Variants in SLC28A3 observed in about 807,000 individuals in gnomAD.
SLC28A3 encodes the protein concentrative Na(+)-nucleoside cotransporter 3.
In SLC28A3, 68 loss-of-function variants were observed where a neutral mutation model predicts 84.2. The observed-to-expected ratio is 0.81, with a 90% confidence interval of 0.66 to 0.99. The LOEUF (loss-of-function observed/expected upper bound fraction) is 0.99, where lower values mean the gene tolerates loss of function less well. Among genes scored for constraint, SLC28A3 ranks in the 50% least tolerant of loss-of-function variants. The pLI, the probability that SLC28A3 is intolerant of heterozygous loss-of-function variation, is 0.00. For synonymous variants in SLC28A3, 267 were observed against 303.6 expected, an observed-to-expected ratio of 0.88 and a Z score of 1.25; for missense variants, 712 against 841.5, an observed-to-expected ratio of 0.85 and a Z score of 1.90.
the SLC28A3 span, among the ~76,000 whole-genome samples, chr9:84,363,654 A>G: frequency 5.9e-3 from 895 of 152,352 alleles, 8 homozygotes; most frequent in African/African-American, 0.021. Context: ...AGAGAAAAAG[A>G]TAAAAGATGG....
intron 1 of SLC28A3, among the ~76,000 whole-genome samples, chr9:84,336,514 A>C (rs138003997): frequency 1.3e-3 from 199 of 152,152 alleles, no homozygotes; most frequent in African/African-American, 4.6e-3. Flanking sequence ...TAAAACACAA[A>C]ACAAAACAAA....
chr9:84,355,555 C>T, the SLC28A3 span, among the ~76,000 whole-genome samples: 30 of 152,140 alleles, frequency 2.0e-4, no homozygotes, highest in African/African-American at 6.3e-4. Context: ...TTGTCATTTT[C>T]GGTTTGGTCT....
chr9:84,317,181 C>G (rs1333367234), intron 1 of SLC28A3, among the ~76,000 whole-genome samples: 1 of 152,146 alleles, frequency 6.6e-6, no homozygotes. Context: ...CCCAGACCAT[C>G]TTGTGCCTAT....
At chr9:84,288,871 A>T (rs1301883750) in intron 11 of SLC28A3, among the ~76,000 whole-genome samples, 3 of 151,958 alleles carry the variant, frequency 2.0e-5, no homozygotes, top group Admixed American at 1.3e-4. Flanking sequence ...TAGATAGGGG[A>T]TGGGGAGGGG....
chr9:84,368,211 C>T, the SLC28A3 span, among the ~76,000 whole-genome samples: 6 of 152,242 alleles, frequency 3.9e-5, no homozygotes, highest in East Asian at 5.8e-4. Flanking sequence ...AAGCATACTG[C>T]CTGCAAACAT....
intron 1 of SLC28A3, among the ~76,000 whole-genome samples, chr9:84,320,850 G>A (rs554155987): frequency 4.1e-4 from 63 of 151,876 alleles, no homozygotes; most frequent in African/African-American, 1.3e-3. Flanking sequence ...ATTAGCCGAG[G>A]GTGGTGGTGG....
chr9:84,314,910 C>G lies in SLC28A3; in HGVS notation c.61-1456G>C, dbSNP rs192917987. Among the ~76,000 whole-genome samples the G allele has an allele frequency of 9.4e-3, 1,430 of 152,246 alleles. 11 individuals are homozygous for G. Among genetic ancestry groups the G allele is most frequent in the Middle Eastern group, 0.02 (6 of 294 alleles). ...TGGCTAACATGGTGAAACCCCGTCT[C>G]TACTAAAAATACAAACATTAGCTGG... On this transcript the variant is annotated intron_variant, in intron 1 of 17. Transcript: ENST00000376238.
the SLC28A3 span, among the ~76,000 whole-genome samples, chr9:84,358,317 T>G: frequency 6.6e-6 from 1 of 152,126 alleles, no homozygotes; most frequent in Non-Finnish European, 1.5e-5. Flanking sequence ...CACAACTGCT[T>G]GCAAACAGCA....
At chr9:84,329,762 A>G (rs1474932284) in intron 1 of SLC28A3, among the ~76,000 whole-genome samples, 1 of 152,108 alleles carries the variant, frequency 6.6e-6, no homozygotes, top group Non-Finnish European at 1.5e-5. Flanking sequence ...AGCTGAGCAC[A>G]GTGATGCATG....
the SLC28A3 span, among the ~76,000 whole-genome samples, chr9:84,353,293 T>C: frequency 0.015 from 2,317 of 152,354 alleles, 27 homozygotes; most frequent in Non-Finnish European, 0.023. Flanking sequence ...AGTTATTTCA[T>C]ATACTGGTGG....
rs1367533318 is a variant in SLC28A3 at position 84,294,190 on chromosome 9, A to C, written c.942+5T>G. 1 of 1,613,904 alleles carries C rather than the reference A, an allele frequency of 6.2e-7. No homozygotes were observed. On this transcript the variant is annotated splice_donor_5th_base_variant and intron_variant, in intron 9 of 17. Transcript: ENST00000376238. Reference sequence around the variant, plus strand: ...CTATAACCCAGTCCCTCCCAGCCCCAGTACCTTTCTAATAATCCACTGCAT... The same window carrying C: ...CTATAACCCAGTCCCTCCCAGCCCCCGTACCTTTCTAATAATCCACTGCAT...
intron 1 of SLC28A3, among the ~76,000 whole-genome samples, chr9:84,336,283 T>A (rs1340066639): frequency 1.3e-5 from 2 of 151,876 alleles, no homozygotes; most frequent in African/African-American, 2.4e-5. Flanking sequence ...AGGCGGATCA[T>A]TTGAGGTCAG....
intron 9 of SLC28A3, among the ~76,000 whole-genome samples, chr9:84,293,644 G>A (rs1426759034): frequency 6.6e-6 from 1 of 152,166 alleles, no homozygotes; most frequent in Non-Finnish European, 1.5e-5. Flanking sequence ...TTGAGGCTAG[G>A]GCAGCAGGAA....
the SLC28A3 span, among the ~76,000 whole-genome samples, chr9:84,365,737 T>C: frequency 0.38 from 57,400 of 152,054 alleles, 12,870 homozygotes; most frequent in African/African-American, 0.63. Flanking sequence ...ACTGTCTCTG[T>C]ATATTTTCAG....
At chr9:84,316,591 G>A (rs1417184548) in intron 1 of SLC28A3, among the ~76,000 whole-genome samples, 2 of 152,228 alleles carry the variant, frequency 1.3e-5, no homozygotes, top group African/African-American at 4.8e-5. Flanking sequence ...GGCTCACCCC[G>A]GCTCTGTACC....
upstream of SLC28A3, among the ~76,000 whole-genome samples, chr9:84,342,058 GAC>G (rs563707009): frequency 3.6e-3 from 518 of 143,324 alleles, 2 homozygotes; most frequent in African/African-American, 0.013. Flanking sequence ...GAACCCAGGA[GAC>G]ACAGATTGCA....
chr9:84,359,350 C>T, the SLC28A3 span, among the ~76,000 whole-genome samples: 3 of 152,088 alleles, frequency 2.0e-5, no homozygotes, highest in African/African-American at 7.2e-5. Context: ...ATACACAAAT[C>T]CTAAACACAC....
the SLC28A3 span, among the ~76,000 whole-genome samples, chr9:84,363,186 TA>T: frequency 0.11 from 17,261 of 152,188 alleles, 1,275 homozygotes; most frequent in East Asian, 0.21. Flanking sequence ...AGTATGTAAA[TA>T]AAGAAGAACA....
chr9:84,287,652 A>G (rs938400569), intron 12 of SLC28A3, among the ~76,000 whole-genome samples: 3 of 152,080 alleles, frequency 2.0e-5, no homozygotes, highest in African/African-American at 7.2e-5. Context: ...CCTTGAGCCC[A>G]GGAGCTGGAG....
Sources: gnomAD v4.1 joint callset for allele counts (sites outside exome capture counted in the v4.1 genomes callset) on GRCh38, gnomAD v4.1.1 for gene constraint, MANE v1.5 for transcripts, NCBI Gene and HGNC (gene_info 2026-07-23, HGNC 2026-07-21) for gene names.